KIAA0825: variants seen among roughly 807,000 people sequenced by gnomAD.
The protein encoded by KIAA0825 is KIAA0825, also known as uncharacterized protein KIAA0825.
KIAA0825 carries 119 observed loss-of-function variants against 147.6 expected under a neutral mutation model. That is an observed-to-expected ratio of 0.81 (90% CI 0.69 to 0.94). The LOEUF is 0.94. Ranked by LOEUF, KIAA0825 falls within the 40% of genes least tolerant of loss-of-function variation. The pLI is 0.00. For synonymous variants in KIAA0825, 470 were observed against 518.1 expected (o/e 0.91, Z 1.26); for missense variants, 1,381 against 1,472.7 (o/e 0.94, Z 1.02).
intron 20 of KIAA0825, among the ~76,000 whole-genome samples, chr5:94,289,893 T>A (rs1014698520): frequency 6.6e-6 from 1 of 151,024 alleles, no homozygotes; most frequent in African/African-American, 2.4e-5. Flanking sequence ...TAAATATTTT[T>A]AAAAATAGCC....
At chr5:94,371,131 T>G (rs1031667449) in intron 20 of KIAA0825, among the ~76,000 whole-genome samples, 3 of 152,094 alleles carry the variant, frequency 2.0e-5, no homozygotes, top group Non-Finnish European at 2.9e-5. Flanking sequence ...GCTTATAGTT[T>G]ATTATAAAAT....
At chr5:94,546,837 C>T (rs545409330) in intron 2 of KIAA0825, among the ~76,000 whole-genome samples, 5 of 145,328 alleles carry the variant, frequency 3.4e-5, no homozygotes, top group African/African-American at 1.3e-4. Flanking sequence ...TCAAGACCAT[C>T]CAGGAAAACA....
At chr5:94,258,910 G>A (rs1475453914) in intron 20 of KIAA0825, among the ~76,000 whole-genome samples, 1 of 151,940 alleles carries the variant, frequency 6.6e-6, no homozygotes, top group Non-Finnish European at 1.5e-5. Context: ...ATGCCATTTT[G>A]GGGTAATCTC....
chr5:94,422,972 C>A (rs1754390447), intron 14 of KIAA0825, among the ~76,000 whole-genome samples: 1 of 152,188 alleles, frequency 6.6e-6, no homozygotes. Context: ...AGTGACTCAT[C>A]TGAGTGTTGA....
intron 20 of KIAA0825, among the ~76,000 whole-genome samples, chr5:94,320,656 T>C (rs960115021): frequency 3.9e-5 from 6 of 152,004 alleles, no homozygotes; most frequent in African/African-American, 7.2e-5. Flanking sequence ...ACTTGCTGTC[T>C]ATCTACCCCT....
chr5:94,563,754 G>A (rs1475168516), intron 2 of KIAA0825, among the ~76,000 whole-genome samples: 2 of 151,914 alleles, frequency 1.3e-5, no homozygotes, highest in African/African-American at 4.8e-5. Flanking sequence ...GTGCAATCTC[G>A]GCTCACTGCA....
chr5:94,258,493 G>C (rs1334364950), intron 20 of KIAA0825, among the ~76,000 whole-genome samples: 3 of 151,884 alleles, frequency 2.0e-5, no homozygotes, highest in Non-Finnish European at 4.4e-5. Flanking sequence ...CAAAAACATT[G>C]TTAACAATGG....
chr5:94,508,059 T>C (rs2151149605), intron 5 of KIAA0825, among the ~76,000 whole-genome samples: 1 of 152,318 alleles, frequency 6.6e-6, no homozygotes, highest in East Asian at 1.9e-4. Context: ...CTTTTCCATT[T>C]ACTAATGATA....
chr5:94,294,872 C>T (rs1174874917), intron 20 of KIAA0825, among the ~76,000 whole-genome samples: 5 of 152,090 alleles, frequency 3.3e-5, no homozygotes, highest in African/African-American at 9.7e-5. Flanking sequence ...TTCATTTCAA[C>T]CTAGGTGAAT....
intron 1 of KIAA0825, among the ~76,000 whole-genome samples, chr5:94,583,184 C>T (rs1327491813): frequency 6.6e-6 from 1 of 152,164 alleles, no homozygotes; most frequent in East Asian, 1.9e-4. Context: ...ACAGTGGGTG[C>T]AGCCCATGGA....
At chr5:94,490,509 G>A (rs1308406304) in intron 5 of KIAA0825, among the ~76,000 whole-genome samples, 1 of 151,958 alleles carries the variant, frequency 6.6e-6, no homozygotes, top group Non-Finnish European at 1.5e-5. Flanking sequence ...GATGGGCTGG[G>A]AACTTGATAG....
chr5:94,450,377 T>C (rs1758252649), intron 13 of KIAA0825, among the ~76,000 whole-genome samples: 1 of 146,218 alleles, frequency 6.8e-6, no homozygotes, highest in South Asian at 2.3e-4. Flanking sequence ...GTTTGGGGAA[T>C]CTGCATACTA....
At chr5:94,210,801 A>G (rs1362929723) in intron 20 of KIAA0825, among the ~76,000 whole-genome samples, 4 of 152,236 alleles carry the variant, frequency 2.6e-5, no homozygotes, top group African/African-American at 9.6e-5. Context: ...GTATTAAAAA[A>G]TTAGGTCTAG....
chr5:94,301,800 C>G (rs904596249), intron 20 of KIAA0825, among the ~76,000 whole-genome samples: 1 of 152,012 alleles, frequency 6.6e-6, no homozygotes, highest in Non-Finnish European at 1.5e-5. Context: ...CACATTATGA[C>G]CAAGTTATGC....
intron 20 of KIAA0825, among the ~76,000 whole-genome samples, chr5:94,178,246 C>T (rs1240293116): frequency 6.6e-6 from 1 of 151,906 alleles, no homozygotes; most frequent in Non-Finnish European, 1.5e-5. Context: ...CAATTACTAA[C>T]CTTTTTTCTC....
At chr5:94,457,770 C>T (rs1481418180) in intron 12 of KIAA0825, among the ~76,000 whole-genome samples, 2 of 152,216 alleles carry the variant, frequency 1.3e-5, no homozygotes, top group African/African-American at 4.8e-5. Flanking sequence ...GGGTTTTATG[C>T]TTCTCTTGTG....
intron 20 of KIAA0825, among the ~76,000 whole-genome samples, chr5:94,296,266 C>G (rs753050717): frequency 6.6e-6 from 1 of 152,072 alleles, no homozygotes; most frequent in Non-Finnish European, 1.5e-5. Context: ...CCACCAAGCT[C>G]GAGCATTCCA....
chr5:94,485,912 T>C (rs187153480), intron 5 of KIAA0825, among the ~76,000 whole-genome samples: 176 of 152,012 alleles, frequency 1.2e-3, no homozygotes, highest in Non-Finnish European at 2.0e-3. Flanking sequence ...GTGATATCTA[T>C]TATTTGCGTA....
intron 5 of KIAA0825, among the ~76,000 whole-genome samples, chr5:94,511,824 C>A (rs1766521404): frequency 6.6e-6 from 1 of 151,500 alleles, no homozygotes; most frequent in Non-Finnish European, 1.5e-5. Context: ...CTTGTCTCTA[C>A]TAAAACTACA....
Sources: gnomAD v4.1 joint callset for allele counts (sites outside exome capture counted in the v4.1 genomes callset) on GRCh38, gnomAD v4.1.1 for gene constraint, MANE v1.5 for transcripts, NCBI Gene and HGNC (gene_info 2026-07-23, HGNC 2026-07-21) for gene names.